The following TYW1B variants were observed in gnomAD, a reference collection of about 807,000 sequenced individuals.
The protein encoded by TYW1B is tRNA-yW synthesizing protein 1 homolog B, also known as S-adenosyl-L-methionine-dependent tRNA 4-demethylwyosine synthase TYW1B.
In TYW1B, 73 loss-of-function variants were observed where a neutral mutation model predicts 86.9. The observed-to-expected ratio is 0.84, with a 90% CI of 0.70 to 1.02. The LOEUF (loss-of-function observed/expected upper bound fraction) is 1.02, where lower values mean the gene tolerates loss of function less well. TYW1B is among the 50% of genes least tolerant of loss of function. TYW1B has a pLI of 0.00. For synonymous variants in TYW1B, 248 were observed against 292.8 expected (o/e 0.85, Z 1.56); for missense variants, 637 against 827.4 (o/e 0.77, Z 2.82).
intron 11 of TYW1B, among the ~76,000 whole-genome samples, chr7:72,661,135 CAAAA>C (rs1300929929): frequency 9.2e-6 from 1 of 108,272 alleles, no homozygotes. Context: ...ACTCTGTCTC[CAAAA>C]AAAAAAAAGA....
intron 10 of TYW1B, among the ~76,000 whole-genome samples, chr7:72,706,405 C>A (rs1425423957): frequency 2.9e-5 from 3 of 104,850 alleles, no homozygotes; most frequent in African/African-American, 7.7e-5. Flanking sequence ...CCAGCCTGGG[C>A]AACAAGAGCG....
At chr7:72,781,892 A>T (rs1788055898) in intron 6 of TYW1B, among the ~76,000 whole-genome samples, 1 of 152,234 alleles carries the variant, frequency 6.6e-6, no homozygotes, top group Non-Finnish European at 1.5e-5. Flanking sequence ...TGAATACACA[A>T]AACATTCTTT....
intron 13 of TYW1B, among the ~76,000 whole-genome samples, chr7:72,596,592 A>G (rs74486091): frequency 6.6e-6 from 1 of 152,212 alleles, no homozygotes; most frequent in Non-Finnish European, 1.5e-5. Context: ...AAAGCAATGA[A>G]GCTGGACCCT....
At chr7:72,712,172 C>A (rs1200619373) in intron 10 of TYW1B, among the ~76,000 whole-genome samples, 4 of 152,048 alleles carry the variant, frequency 2.6e-5, no homozygotes, top group African/African-American at 9.7e-5. Context: ...ACCACCTAAA[C>A]CTGACCCTTC....
chr7:72,683,817 G>T lies in TYW1B; in HGVS notation c.1506+10870C>A, dbSNP rs148405835. Among the ~76,000 whole-genome samples the T allele has an allele frequency of 4.2e-3, 644 of 152,282 alleles. 5 individuals are homozygous for T. The highest frequency in any genetic ancestry group is 0.015 in the African/African-American group (610 of 41,568). On this transcript the variant is annotated intron_variant, in intron 11 of 13. Transcript: ENST00000620995. The stretch of plus-strand genomic sequence containing the variant: ...CAGGGATGTTGGGATAACCCGACCA[G>T]ATGCAAAGGGCTCCAGTGGATAAAG...
intron 10 of TYW1B, among the ~76,000 whole-genome samples, chr7:72,710,027 G>A (rs535351094): frequency 2.6e-5 from 4 of 152,126 alleles, no homozygotes; most frequent in African/African-American, 7.2e-5. Context: ...AGAGAGACTC[G>A]ATAACATCTA....
rs1585935304 is a variant in TYW1B at position 72,728,757 on chromosome 7, T to G, written c.1192+65A>C. 10 of 1,486,448 alleles carry G rather than the reference T, an allele frequency of 6.7e-6. No individual in the cohort carries two copies. In the East Asian group the frequency reaches 2.4e-4, roughly 36 times the overall value. The allele number at this position is 1,486,448 out of a possible 1,614,324, so 92.1% of individuals were successfully genotyped here. ...CAAAATCCTACCAAAGAGGCAATTC[T>G]TCTGCCAATCTGATTCAGACTATTA... On this transcript the variant is annotated intron_variant, in intron 9 of 13. Transcript: ENST00000620995.
intron 11 of TYW1B, among the ~76,000 whole-genome samples, chr7:72,673,308 T>C (rs1482474767): frequency 4.6e-5 from 7 of 152,246 alleles, no homozygotes; most frequent in African/African-American, 1.4e-4. Context: ...CCCATGTTTA[T>C]TGCAACACTA....
intron 7 of TYW1B, among the ~76,000 whole-genome samples, chr7:72,769,590 A>G (rs1554469152): frequency 6.6e-6 from 1 of 152,232 alleles, no homozygotes; most frequent in Non-Finnish European, 1.5e-5. Context: ...AAAATTTTCA[A>G]AAGATACCTT....
intron 10 of TYW1B, among the ~76,000 whole-genome samples, chr7:72,705,832 C>T (rs1563065896): frequency 6.6e-6 from 1 of 152,160 alleles, no homozygotes; most frequent in Non-Finnish European, 1.5e-5. Context: ...TCAACAACTT[C>T]CTTGCCTTAC....
chr7:72,762,847 A>G (rs1787707588), intron 7 of TYW1B, among the ~76,000 whole-genome samples: 1 of 152,028 alleles, frequency 6.6e-6, no homozygotes, highest in South Asian at 2.1e-4. Flanking sequence ...TTTAGTAGAG[A>G]TGGCATTTCA....
intron 8 of TYW1B, among the ~76,000 whole-genome samples, chr7:72,742,287 GCCCAGCTAA>G: frequency 6.6e-6 from 1 of 152,122 alleles, no homozygotes; most frequent in South Asian, 2.1e-4. Flanking sequence ...GCACCACCAT[GCCCAGCTAA>G]TTTTTGCATG....
At chr7:72,753,117 TAA>T (rs782534936) in intron 7 of TYW1B, among the ~76,000 whole-genome samples, 2 of 146,142 alleles carry the variant, frequency 1.4e-5, no homozygotes. Flanking sequence ...CTTGGTTGAT[TAA>T]AAAAAAAAAG....
intron 12 of TYW1B, among the ~76,000 whole-genome samples, chr7:72,624,021 G>A (rs1431553243): frequency 2.6e-5 from 4 of 152,036 alleles, no homozygotes; most frequent in Non-Finnish European, 2.9e-5. Context: ...GGCTGGTCTC[G>A]AACTCCTGAC....
At chr7:72,700,373 G>A (rs781987655) in intron 10 of TYW1B, among the ~76,000 whole-genome samples, 5 of 151,340 alleles carry the variant, frequency 3.3e-5, no homozygotes, top group Non-Finnish European at 4.4e-5. Context: ...ACAGCGTTTC[G>A]CCACATTGGC....
At chr7:72,652,704 A>G (rs1813094844) in intron 11 of TYW1B, among the ~76,000 whole-genome samples, 1 of 151,620 alleles carries the variant, frequency 6.6e-6, no homozygotes, top group Non-Finnish European at 1.5e-5. Context: ...AACATTAAAA[A>G]TCAGACTTAT....
chr7:72,648,796 A>C (rs1160665031), intron 11 of TYW1B, among the ~76,000 whole-genome samples: 2 of 152,116 alleles, frequency 1.3e-5, no homozygotes, highest in Non-Finnish European at 2.9e-5. Context: ...TGAAGGAGTA[A>C]GCGGAGGGTG....
At chr7:72,799,549 T>C (rs1788368948) in intron 6 of TYW1B, among the ~76,000 whole-genome samples, 1 of 151,534 alleles carries the variant, frequency 6.6e-6, no homozygotes, top group Admixed American at 6.6e-5. Context: ...CACTACAAGC[T>C]CTGCCTCCCA....
At chr7:72,756,100 T>A (rs1424017561) in intron 7 of TYW1B, among the ~76,000 whole-genome samples, 1 of 152,118 alleles carries the variant, frequency 6.6e-6, no homozygotes, top group Non-Finnish European at 1.5e-5. Context: ...GGAACATAAG[T>A]ATGAACCCAG....
Sources: gnomAD v4.1 joint callset for allele counts (sites outside exome capture counted in the v4.1 genomes callset) on GRCh38, gnomAD v4.1.1 for gene constraint, MANE v1.5 for transcripts, NCBI Gene and HGNC (gene_info 2026-07-23, HGNC 2026-07-21) for gene names.